Variants in RALGAPA2 observed in about 807,000 individuals in gnomAD.
RALGAPA2 encodes Ral GTPase activating protein catalytic subunit alpha 2.
RALGAPA2 carries 139 observed loss-of-function variants against 230.4 expected under a neutral mutation model. The observed-to-expected ratio is 0.60, with a 90% CI of 0.53 to 0.69. RALGAPA2 has a LOEUF of 0.69. Among genes scored for constraint, RALGAPA2 ranks in the 30% least tolerant of loss-of-function variants. RALGAPA2 has a pLI of 0.00. For synonymous variants in RALGAPA2, 847 were observed against 837.8 expected (o/e 1.01, Z -0.19); for missense variants, 2,163 against 2,276.0 (o/e 0.95, Z 1.01).
chr20:20,671,038 G>A (rs1281552278), intron 3 of RALGAPA2, among the ~76,000 whole-genome samples: 2 of 151,876 alleles, frequency 1.3e-5, no homozygotes, highest in Non-Finnish European at 2.9e-5. Context: ...TACAGGCAAA[G>A]GCAGCTGGAG....
intron 36 of RALGAPA2, among the ~76,000 whole-genome samples, chr20:20,485,045 A>AT (rs777649458): frequency 0.043 from 5,917 of 137,296 alleles, 125 homozygotes; most frequent in South Asian, 0.074. Flanking sequence ...ACATTATGAG[A>AT]TTTTTTTTTT....
chr20:20,707,253 G>A (rs1219645851), intron 1 of RALGAPA2, among the ~76,000 whole-genome samples: 1 of 152,180 alleles, frequency 6.6e-6, no homozygotes, highest in Non-Finnish European at 1.5e-5. Flanking sequence ...CAGGGCCAAT[G>A]GAGCAACACT....
At chr20:20,510,144 C>T (rs1444134166) in intron 33 of RALGAPA2, among the ~76,000 whole-genome samples, 8 of 152,134 alleles carry the variant, frequency 5.3e-5, no homozygotes, top group Non-Finnish European at 1.0e-4. Context: ...GTTCATTCAG[C>T]AGGCTCTAAC....
At chr20:20,433,946 G>C (rs775841807) in intron 37 of RALGAPA2, among the ~76,000 whole-genome samples, 5 of 152,178 alleles carry the variant, frequency 3.3e-5, no homozygotes, top group Admixed American at 6.5e-5. Context: ...ATACTTAACA[G>C]CCATGTAGAT....
chr20:20,440,143 T>C (rs1293594965), intron 37 of RALGAPA2, among the ~76,000 whole-genome samples: 1 of 152,200 alleles, frequency 6.6e-6, no homozygotes, highest in Non-Finnish European at 1.5e-5. Flanking sequence ...GTGAGGACTA[T>C]TTCAGTGAGT....
At chr20:20,613,538 C>T (rs1215005541) in intron 13 of RALGAPA2, among the ~76,000 whole-genome samples, 1 of 152,210 alleles carries the variant, frequency 6.6e-6, no homozygotes, top group African/African-American at 2.4e-5. Flanking sequence ...ATCTTGCAGG[C>T]ACACAGGGAG....
intron 16 of RALGAPA2, among the ~76,000 whole-genome samples, chr20:20,597,276 A>G (rs1250380653): frequency 6.6e-6 from 1 of 152,224 alleles, no homozygotes; most frequent in African/African-American, 2.4e-5. Flanking sequence ...TCTCCAAACA[A>G]TAGCTTTTTT....
intron 16 of RALGAPA2, among the ~76,000 whole-genome samples, chr20:20,595,720 G>A (rs958974773): frequency 2.6e-5 from 4 of 152,118 alleles, no homozygotes; most frequent in Non-Finnish European, 5.9e-5. Flanking sequence ...TTGGGAGGCC[G>A]AGGTGGGTAG....
chr20:20,570,353 C>A (rs1305115157), intron 23 of RALGAPA2, among the ~76,000 whole-genome samples: 1 of 152,120 alleles, frequency 6.6e-6, no homozygotes, highest in Non-Finnish European at 1.5e-5. Flanking sequence ...GTTTGCTTAT[C>A]AGGAGAATAA....
In RALGAPA2 at chr20:20,442,889, A is replaced by C. The variant is rs529755962; in HGVS notation, c.5495+29940T>G. Among the ~76,000 whole-genome samples the C allele has an allele frequency of 1.4e-4, 21 of 152,336 alleles. No homozygotes were observed. In the South Asian group the frequency reaches 4.3e-3, roughly 32 times the overall value. ...GAAATCTATGCACGAACTGAACCCA[A>C]TTTCATTTTTCACATAAATGCTAAG... is the stretch of plus-strand genomic sequence containing the variant. On this transcript the variant is annotated intron_variant, in intron 37 of 39. Transcript: ENST00000202677.
intron 37 of RALGAPA2, 77 bp from the exon 38 acceptor site, chr20:20,412,225 C>T (rs1731591590): frequency 7.1e-6 from 11 of 1,560,224 alleles, no homozygotes; most frequent in South Asian, 6.9e-5. Flanking sequence ...CTTTTAATAC[C>T]GTTGTGCAAT....
At chr20:20,638,452 CGACAGAAGAGAA>C in intron 7 of RALGAPA2, among the ~76,000 whole-genome samples, 1 of 152,136 alleles carries the variant, frequency 6.6e-6, no homozygotes, top group East Asian at 1.9e-4. Flanking sequence ...TCATCTCAAT[CGACAGAAGAGAA>C]GGCAGAAGGG....
intron 36 of RALGAPA2, among the ~76,000 whole-genome samples, chr20:20,485,438 C>T (rs1433148936): frequency 6.6e-6 from 1 of 152,198 alleles, no homozygotes; most frequent in African/African-American, 2.4e-5. Context: ...CCCACTCTGA[C>T]AGTCTCTTTT....
chr20:20,622,889 A>G (rs1003746752), intron 10 of RALGAPA2, among the ~76,000 whole-genome samples: 81 of 152,248 alleles, frequency 5.3e-4, no homozygotes, highest in African/African-American at 1.9e-3. Context: ...TTACATATTC[A>G]TAATAATAAC....
At chr20:20,396,519 C>T (rs1468064654) in intron 39 of RALGAPA2, among the ~76,000 whole-genome samples, 176 bp downstream of exon 39, 5 of 152,358 alleles carry the variant, frequency 3.3e-5, no homozygotes, top group Non-Finnish European at 7.3e-5. Context: ...TGGGCTTCCC[C>T]GGGCAGCGCA....
intron 37 of RALGAPA2, among the ~76,000 whole-genome samples, chr20:20,444,175 C>T (rs577124605): frequency 6.6e-6 from 1 of 152,302 alleles, no homozygotes; most frequent in East Asian, 1.9e-4. Flanking sequence ...ATCCTCCCCT[C>T]TGTACAGGGC....
chr20:20,575,862 T>C (rs969596141), intron 20 of RALGAPA2, among the ~76,000 whole-genome samples: 2 of 152,160 alleles, frequency 1.3e-5, no homozygotes, highest in Non-Finnish European at 2.9e-5. Flanking sequence ...TTTGTCCTTG[T>C]GGATTTATGT....
At position 20,392,997 on chromosome 20, in the gene RALGAPA2, G is replaced by T; in HGVS notation, c.*292C>A. 2 of 1,114,014 alleles carry T rather than the reference G, an allele frequency of 1.8e-6. No individual in the cohort carries two copies. Among genetic ancestry groups the T allele is most frequent in the East Asian group, 6.1e-5 (1 of 16,264 alleles). The allele number at this position is 1,114,014 out of a possible 1,614,324, so 69.0% of individuals were successfully genotyped here. On this transcript the variant is annotated 3_prime_UTR_variant, in exon 40 of 40. Coordinates refer to ENST00000202677, the MANE Select transcript of RALGAPA2 (RefSeq NM_020343.4). ...TTGGTGACTTTTTCTTTTCTTCTTT[G>T]GAAGTCCAAGGTTTGTGAGGTTTCA... is the stretch of plus-strand genomic sequence containing the variant.
Position 20,546,702 on chromosome 20 carries a change from A to C in RALGAPA2, c.3285+2T>G. 1 of 1,593,740 alleles carries C rather than the reference A, an allele frequency of 6.3e-7. No individual in the cohort carries two copies. Among genetic ancestry groups the C allele is most frequent in the Non-Finnish European group, 8.5e-7 (1 of 1,173,740 alleles). ...TGGGATGCTGAGCATTGTCATACTC[A>C]CCGTCAAAATGTCTGTGCTAAGGAC... On this transcript the variant is annotated splice_donor_variant, in intron 24 of 39. Transcript: ENST00000202677. LOFTEE classifies it high-confidence loss of function.
Sources: allele counts gnomAD v4.1 joint callset (sites outside exome capture counted in the v4.1 genomes callset), GRCh38; gene constraint gnomAD v4.1.1; transcripts MANE v1.5; gene names NCBI Gene and HGNC (gene_info 2026-07-23, HGNC 2026-07-21).